ARHGEF10: variants seen among roughly 807,000 people sequenced by gnomAD.
The protein encoded by ARHGEF10 is Rho guanine nucleotide exchange factor (GEF) 10.
A neutral mutation model predicts 147.4 loss-of-function variants in ARHGEF10; 140 were observed. That is an observed-to-expected ratio of 0.95 (90% CI 0.83 to 1.09). The LOEUF is 1.09. ARHGEF10 is among the 50% of genes least tolerant of loss of function. ARHGEF10 has a pLI of 0.00. For missense variants in ARHGEF10, 2,222 were observed against 1,752.7 expected (o/e 1.27, Z -4.78); for synonymous variants, 902 against 695.8 (o/e 1.30, Z -4.67).
chr8:1,917,913 C>G (rs1811879041), intron 18 of ARHGEF10, among the ~76,000 whole-genome samples: 1 of 151,814 alleles, frequency 6.6e-6, no homozygotes, highest in African/African-American at 2.4e-5. Flanking sequence ...GTAGCTGGAA[C>G]TACTCAGAGT....
chr8:1,952,559 G>A (rs369149028), intron 27 of ARHGEF10, 146 bp from the exon 28 acceptor site: 20 of 1,057,518 alleles, frequency 1.9e-5, no homozygotes, highest in Middle Eastern at 3.0e-4. Flanking sequence ...CCTGGTGCTC[G>A]GGTTTGGGAA....
At chr8:1,946,789 G>C (rs974275007) in intron 27 of ARHGEF10, among the ~76,000 whole-genome samples, 1 of 152,148 alleles carries the variant, frequency 6.6e-6, no homozygotes, top group Admixed American at 6.5e-5. Context: ...ACAAGGGGAG[G>C]ATGAGGAGGC....
At chr8:1,855,313 A>C (rs144190642) in intron 2 of ARHGEF10, among the ~76,000 whole-genome samples, 1 of 152,286 alleles carries the variant, frequency 6.6e-6, no homozygotes. Flanking sequence ...ATCTAGTGTG[A>C]TTGTGTCACC....
chr8:1,852,741 A>C (rs1805243250), intron 2 of ARHGEF10, among the ~76,000 whole-genome samples: 1 of 152,242 alleles, frequency 6.6e-6, no homozygotes, highest in African/African-American at 2.4e-5. Flanking sequence ...GCCTTAATTG[A>C]TGAGCCAATT....
At chr8:1,850,068 G>A (rs1481643988) in intron 2 of ARHGEF10, among the ~76,000 whole-genome samples, 40 of 75,520 alleles carry the variant, frequency 5.3e-4, no homozygotes, top group Middle Eastern at 0.023. Context: ...TGGGCCGGCT[G>A]CGTGGACACA....
chr8:1,843,663 A>T (rs13257686), intron 2 of ARHGEF10, among the ~76,000 whole-genome samples: 61,665 of 152,012 alleles, frequency 0.41, 13,735 homozygotes, highest in Non-Finnish European at 0.51. Context: ...GTGCTGCTGT[A>T]TTGCTCTTGG....
chr8:1,947,342 C>G (rs1814674239), intron 27 of ARHGEF10, among the ~76,000 whole-genome samples: 1 of 152,278 alleles, frequency 6.6e-6, no homozygotes, highest in Non-Finnish European at 1.5e-5. Context: ...GGCGAAGCAG[C>G]CCACGGTTAC....
chr8:1,914,121 TAC>T (rs1811578563), intron 18 of ARHGEF10, among the ~76,000 whole-genome samples: 1 of 152,188 alleles, frequency 6.6e-6, no homozygotes, highest in South Asian at 2.1e-4. Context: ...GGGCGTGACT[TAC>T]AGTCTTTAAA....
rs139189713 is a variant in ARHGEF10, at chr8:1,885,786, G to A, written c.1182+79G>A. 1,171 of 1,157,130 alleles carry A rather than the reference G, an allele frequency of 1.0e-3. 5 individuals are homozygous for A. The Middle Eastern group carries it at 0.021, about 21-fold the overall frequency. 71.7% of individuals were successfully genotyped at this position (1,157,130 alleles called of 1,614,324 possible). ...TTAAATATTTGTGTGTTTGATGCTGGTTGGTAAATATTTGCTGTCTCAAAC... is the reference window on the plus strand; with the variant it reads ...TTAAATATTTGTGTGTTTGATGCTGATTGGTAAATATTTGCTGTCTCAAAC... On this transcript the variant is annotated intron_variant, in intron 11 of 28. Coordinates refer to ENST00000349830, the MANE Select transcript of ARHGEF10 (RefSeq NM_014629.4).
chr8:1,911,889 C>T (rs1399894623), intron 18 of ARHGEF10, among the ~76,000 whole-genome samples: 1 of 152,208 alleles, frequency 6.6e-6, no homozygotes, highest in Admixed American at 6.5e-5. Flanking sequence ...GCTTCAAATT[C>T]ACTCTCAGTG....
chr8:1,889,756 G>T lies in ARHGEF10; in HGVS notation c.1183-3813G>T, dbSNP rs987928374. Reference sequence around the variant, plus strand: ...GTTGCGAGGAGACATTGAGTGGGATGAGGGTTGTGAGGAGACACTGAGTGG... The same window carrying T: ...GTTGCGAGGAGACATTGAGTGGGATTAGGGTTGTGAGGAGACACTGAGTGG... On this transcript the variant is annotated intron_variant, in intron 11 of 28. Transcript: ENST00000349830. 6.5e-5 allele frequency among the ~76,000 whole-genome samples: 8 copies of T among 122,558 alleles called. 2 individuals carry two copies. Among genetic ancestry groups the T allele is most frequent in the Non-Finnish European group, 1.2e-4 (7 of 59,054 alleles). 80.4% of individuals were successfully genotyped at this position (122,558 alleles called of 152,430 possible). A position where few individuals can be genotyped will look rare whatever the true frequency, so the allele number is the denominator to read the frequency against.
intron 16 of ARHGEF10, among the ~76,000 whole-genome samples, chr8:1,905,118 G>C (rs952675465): frequency 6.6e-6 from 1 of 152,134 alleles, no homozygotes; most frequent in African/African-American, 2.4e-5. Flanking sequence ...AACAGAGCGA[G>C]GCTTGGTCTC....
chr8:1,935,655 C>T (rs1813532802), intron 26 of ARHGEF10, among the ~76,000 whole-genome samples: 1 of 152,194 alleles, frequency 6.6e-6, no homozygotes, highest in African/African-American at 2.4e-5. Flanking sequence ...CTGGCAACTC[C>T]GCACCCTAGA....
At chr8:1,840,287 C>G (rs1282738391) in intron 1 of ARHGEF10, among the ~76,000 whole-genome samples, 12 of 115,426 alleles carry the variant, frequency 1.0e-4, no homozygotes, top group Admixed American at 2.6e-4. Flanking sequence ...GGGGACTGTC[C>G]TGTGTGGAAG....
intron 1 of ARHGEF10, among the ~76,000 whole-genome samples, chr8:1,834,383 A>G (rs1457638258): frequency 6.6e-6 from 1 of 152,046 alleles, no homozygotes. Context: ...AGGTGAGCAG[A>G]GCGTAATGGT....
chr8:1,893,774 A>G (rs1809742817), intron 12 of ARHGEF10, 128 bp downstream of exon 12: 2 of 710,342 alleles, frequency 2.8e-6, no homozygotes, highest in South Asian at 3.3e-5. Flanking sequence ...AAAATTCTCA[A>G]AAGGATCTAA....
chr8:1,832,070 G>A (rs1803143651), intron 1 of ARHGEF10, among the ~76,000 whole-genome samples: 2 of 152,216 alleles, frequency 1.3e-5, no homozygotes, highest in Admixed American at 1.3e-4. Flanking sequence ...GGGGCTGGAG[G>A]AGCAGCGGTG....
intron 11 of ARHGEF10, among the ~76,000 whole-genome samples, chr8:1,886,921 G>C (rs1490405724): frequency 6.6e-6 from 1 of 152,140 alleles, no homozygotes; most frequent in Non-Finnish European, 1.5e-5. Context: ...CACGTCCAGG[G>C]GGGTGGTTGA....
intron 14 of ARHGEF10, among the ~76,000 whole-genome samples, chr8:1,897,682 C>A (rs989663001): frequency 6.6e-6 from 1 of 152,218 alleles, no homozygotes; most frequent in Non-Finnish European, 1.5e-5. Flanking sequence ...GGCTAGGGAA[C>A]CATCTCTTTC....
Sources: allele counts gnomAD v4.1 joint callset (sites outside exome capture counted in the v4.1 genomes callset), GRCh38; gene constraint gnomAD v4.1.1; transcripts MANE v1.5; gene names NCBI Gene and HGNC (gene_info 2026-07-23, HGNC 2026-07-21).